The following TRHDE variants were observed in gnomAD, a reference collection of about 807,000 sequenced individuals.
TRHDE encodes the protein thyrotropin-releasing hormone-degrading ectoenzyme.
In TRHDE, 72 loss-of-function variants were observed where a neutral mutation model predicts 125.7. The ratio of observed to expected loss-of-function variants is 0.57; its 90% confidence interval spans 0.47 to 0.70. The LOEUF (loss-of-function observed/expected upper bound fraction) is 0.70. Among genes scored for constraint, TRHDE ranks in the 30% least tolerant of loss-of-function variants. The probability of loss-of-function intolerance (pLI) is 0.00; values close to 1 mark genes in which losing one functional copy is unlikely to be tolerated. For missense variants in TRHDE, 1,110 were observed against 1,327.1 expected, an observed-to-expected ratio of 0.84 and a Z score of 2.54; for synonymous variants, 509 against 509.1, an observed-to-expected ratio of 1.00 and a Z score of 0.00.
At chr12:72,277,268 G>A (rs1456070838) in intron 1 of TRHDE, among the ~76,000 whole-genome samples, 1 of 152,148 alleles carries the variant, frequency 6.6e-6, no homozygotes, top group Non-Finnish European at 1.5e-5. Context: ...GGAGAGAATG[G>A]AGGATTTTAT....
At chr12:72,385,679 C>T (rs1382968309) in intron 3 of TRHDE, among the ~76,000 whole-genome samples, 1 of 152,010 alleles carries the variant, frequency 6.6e-6, no homozygotes, top group Admixed American at 6.6e-5. Context: ...GGCCTTTTAT[C>T]CCTTCATTAA....
intron 2 of TRHDE, among the ~76,000 whole-genome samples, chr12:72,249,941 T>C (rs1878645443): frequency 1.3e-5 from 2 of 152,160 alleles, no homozygotes; most frequent in Admixed American, 6.6e-5. Context: ...ATACCACTTA[T>C]ATAACTTATA....
chr12:72,472,759 C>T (rs1372227386), intron 4 of TRHDE, among the ~76,000 whole-genome samples: 2 of 152,124 alleles, frequency 1.3e-5, no homozygotes, highest in Non-Finnish European at 2.9e-5. Flanking sequence ...AATAGGTCTT[C>T]AAATATTTGA....
At chr12:72,209,652 A>AT (rs1877734607) in intron 2 of TRHDE, among the ~76,000 whole-genome samples, 1 of 152,244 alleles carries the variant, frequency 6.6e-6, no homozygotes. Context: ...CTGTGTAAAG[A>AT]TTCTTGCTAC....
chr12:72,542,235 T>G (rs1426772120), intron 6 of TRHDE, 56 bp from the exon 7 acceptor site: 2 of 1,381,574 alleles, frequency 1.4e-6, no homozygotes, highest in Non-Finnish European at 2.0e-6. Context: ...GTAAAACAAC[T>G]TTACAATCAT....
intron 13 of TRHDE, among the ~76,000 whole-genome samples, chr12:72,619,377 T>G (rs1391154440): frequency 5.9e-5 from 9 of 152,176 alleles, no homozygotes; most frequent in African/African-American, 1.2e-4. Context: ...ATCCCAAAGA[T>G]CTTAACAGAA....
At chr12:72,658,786 C>T (rs1298846331) in intron 18 of TRHDE, among the ~76,000 whole-genome samples, 1 of 152,138 alleles carries the variant, frequency 6.6e-6, no homozygotes, top group Non-Finnish European at 1.5e-5. Context: ...GCTAACATCA[C>T]AGTGCAGTCT....
chr12:72,148,918 G>A (rs1415530864), intron 2 of TRHDE, among the ~76,000 whole-genome samples: 1 of 152,172 alleles, frequency 6.6e-6, no homozygotes, highest in Non-Finnish European at 1.5e-5. Flanking sequence ...CTGCTGCAAT[G>A]AACAGACAGC....
intron 2 of TRHDE, among the ~76,000 whole-genome samples, chr12:72,353,613 G>A (rs1293269737): frequency 6.6e-6 from 1 of 151,506 alleles, no homozygotes; most frequent in Admixed American, 6.6e-5. Flanking sequence ...GAGTCACAGA[G>A]CAGTTAATAT....
intron 5 of TRHDE, among the ~76,000 whole-genome samples, chr12:72,496,470 C>T (rs188195573): frequency 8.7e-4 from 132 of 152,182 alleles, no homozygotes; most frequent in African/African-American, 2.9e-3. Context: ...TTTATAAAAC[C>T]GTCAGATCTC....
intron 2 of TRHDE, among the ~76,000 whole-genome samples, chr12:72,234,420 C>T (rs1159560489): frequency 9.2e-5 from 14 of 152,118 alleles, no homozygotes; most frequent in Admixed American, 9.2e-4. Flanking sequence ...AAAAGATGCA[C>T]ACATTGTGAC....
At chr12:72,088,753 C>T (rs1874724605) in intron 1 of TRHDE, among the ~76,000 whole-genome samples, 1 of 152,084 alleles carries the variant, frequency 6.6e-6, no homozygotes, top group African/African-American at 2.4e-5. Flanking sequence ...ATTATTGAAG[C>T]ATTGTAGGGC....
intron 2 of TRHDE, among the ~76,000 whole-genome samples, chr12:72,320,452 C>T (rs2135709615): frequency 6.6e-6 from 1 of 151,866 alleles, no homozygotes; most frequent in East Asian, 1.9e-4. Flanking sequence ...ATGTTCAGTG[C>T]AGATGCAACC....
chr12:72,453,739 C>T (rs182210008), intron 3 of TRHDE, among the ~76,000 whole-genome samples: 1 of 152,292 alleles, frequency 6.6e-6, no homozygotes, highest in African/African-American at 2.4e-5. Flanking sequence ...GCCCTGTTGC[C>T]CTGGGCAGCC....
chr12:72,430,339 A>G (rs1439538939), intron 3 of TRHDE, among the ~76,000 whole-genome samples: 1 of 144,670 alleles, frequency 6.9e-6, no homozygotes, highest in African/African-American at 2.6e-5. Flanking sequence ...ATATACATGT[A>G]TATATACATG....
At chr12:72,429,113 A>C (rs201660507) in intron 3 of TRHDE, among the ~76,000 whole-genome samples, 1 of 152,032 alleles carries the variant, frequency 6.6e-6, no homozygotes, top group Non-Finnish European at 1.5e-5. Flanking sequence ...CAAACACTGC[A>C]TGTTCTCACT....
intron 1 of TRHDE, among the ~76,000 whole-genome samples, chr12:72,102,529 G>A (rs779400388): frequency 5.2e-4 from 79 of 152,182 alleles, no homozygotes; most frequent in African/African-American, 1.1e-3. Flanking sequence ...CCTAAATTTG[G>A]TTATTTATGG....
intron 6 of TRHDE, among the ~76,000 whole-genome samples, chr12:72,507,558 T>G (rs1269864867): frequency 2.0e-5 from 3 of 152,172 alleles, no homozygotes; most frequent in Non-Finnish European, 4.4e-5. Context: ...TTTCTAATAG[T>G]GTGTTCTCAT....
chr12:72,450,012 G>A (rs7959518), intron 3 of TRHDE, among the ~76,000 whole-genome samples: 3,395 of 151,802 alleles, frequency 0.022, 132 homozygotes, highest in African/African-American at 0.075. Flanking sequence ...TCTTTGTTGA[G>A]TTTCTCATCT....
Sources: gnomAD v4.1 joint callset for allele counts (sites outside exome capture counted in the v4.1 genomes callset) on GRCh38, gnomAD v4.1.1 for gene constraint, MANE v1.5 for transcripts, NCBI Gene and HGNC (gene_info 2026-07-23, HGNC 2026-07-21) for gene names.